The following DPP6 variants were observed in gnomAD, a reference collection of about 807,000 sequenced individuals.
DPP6 encodes dipeptidyl peptidase like 6.
A neutral mutation model predicts 122.6 loss-of-function variants in DPP6; 69 were observed. The observed-to-expected ratio is 0.56, with a 90% CI of 0.46 to 0.69. The LOEUF (loss-of-function observed/expected upper bound fraction) is 0.69. DPP6 is among the 30% of genes least tolerant of loss of function. The pLI, the probability that DPP6 is intolerant of heterozygous loss-of-function variation, is 0.00. For missense variants in DPP6, 928 were observed against 1,116.9 expected, an observed-to-expected ratio of 0.83 and a Z score of 2.41; for synonymous variants, 418 against 433.1, an observed-to-expected ratio of 0.97 and a Z score of 0.43.
intron 6 of DPP6, 143 bp from the exon 7 acceptor site, chr7:154,669,217 A>C: frequency 1.6e-6 from 2 of 1,247,720 alleles, no homozygotes; most frequent in Non-Finnish European, 2.2e-6. Context: ...CATATTACTT[A>C]GTAACACAAG....
chr7:154,130,857 G>A (rs180877820), intron 1 of DPP6, among the ~76,000 whole-genome samples: 1 of 152,086 alleles, frequency 6.6e-6, no homozygotes, highest in Non-Finnish European at 1.5e-5. Flanking sequence ...CCTGCAAGAC[G>A]CCAAAACAAC....
chr7:154,544,104 A>G (rs1828965566), intron 4 of DPP6, among the ~76,000 whole-genome samples: 1 of 147,644 alleles, frequency 6.8e-6, no homozygotes, highest in Middle Eastern at 3.3e-3. Flanking sequence ...ATATATATAT[A>G]TAAAACAAAT....
At chr7:154,016,603 G>A (rs9691709) in intron 1 of DPP6, among the ~76,000 whole-genome samples, 42,329 of 151,656 alleles carry the variant, frequency 0.28, 7,859 homozygotes, top group African/African-American at 0.53. Context: ...AGTCTACAAA[G>A]GTTTTTGGAA....
At chr7:154,080,418 T>C (rs1803905018) in intron 1 of DPP6, among the ~76,000 whole-genome samples, 1 of 152,216 alleles carries the variant, frequency 6.6e-6, no homozygotes, top group Non-Finnish European at 1.5e-5. Context: ...CTTTATTTAC[T>C]TCTCTTATGT....
intron 5 of DPP6, among the ~76,000 whole-genome samples, chr7:154,628,794 C>T (rs1219497450): frequency 2.0e-5 from 3 of 152,126 alleles, no homozygotes; most frequent in Non-Finnish European, 2.9e-5. Context: ...GCTGCTACAT[C>T]GTGCAGGACC....
intron 7 of DPP6, among the ~76,000 whole-genome samples, chr7:154,723,157 G>A (rs1841902434): frequency 6.6e-6 from 1 of 152,120 alleles, no homozygotes; most frequent in Non-Finnish European, 1.5e-5. Context: ...TACTTGGGAG[G>A]CTCAGTGGGA....
chr7:154,300,806 A>G (rs1415488806), intron 1 of DPP6, among the ~76,000 whole-genome samples: 1 of 152,212 alleles, frequency 6.6e-6, no homozygotes, highest in Non-Finnish European at 1.5e-5. Context: ...GATAGTAATC[A>G]TTATTATGGG....
chr7:154,778,555 A>AC lies in DPP6; in HGVS notation c.1136+5622dup, dbSNP rs202168490. On this transcript the variant is annotated intron_variant, in intron 10 of 25. Transcript: ENST00000377770. ...AGTTCTCATACCTAATGGCTTGAGCACCCCCCCCCAAAAAAAACCACCACC... is the reference window on the plus strand; with the variant it reads ...AGTTCTCATACCTAATGGCTTGAGCACCCCCCCCCCAAAAAAAACCACCACC... Among the ~76,000 whole-genome samples, 715 of 138,548 alleles carry AC rather than the reference A, an allele frequency of 5.2e-3. 4 individuals carry two copies. Among genetic ancestry groups the AC allele is most frequent in the African/African-American group, 0.015 (538 of 37,044 alleles). The allele number at this position is 138,548 out of a possible 152,430, so 90.9% of individuals were successfully genotyped here. A position where few individuals can be genotyped will look rare whatever the true frequency, so the allele number is the denominator to read the frequency against.
chr7:154,823,656 C>T (rs1431869020), intron 16 of DPP6, among the ~76,000 whole-genome samples: 1 of 152,176 alleles, frequency 6.6e-6, no homozygotes, highest in Admixed American at 6.5e-5. Context: ...ATGCCAAACT[C>T]TCGTCCCAGG....
intron 1 of DPP6, among the ~76,000 whole-genome samples, chr7:154,373,079 G>T (rs1408298753): frequency 1.3e-5 from 2 of 151,998 alleles, no homozygotes; most frequent in Admixed American, 6.6e-5. Context: ...TTCCTCTCTC[G>T]TTTTCTTTCT....
intron 1 of DPP6, among the ~76,000 whole-genome samples, chr7:154,120,162 A>T (rs922354790): frequency 1.3e-5 from 2 of 150,616 alleles, no homozygotes; most frequent in East Asian, 3.9e-4. Flanking sequence ...ACACTTTATA[A>T]TTTTTTTTTA....
intron 17 of DPP6, among the ~76,000 whole-genome samples, chr7:154,859,860 G>A (rs1803206309): frequency 6.6e-6 from 1 of 152,160 alleles, no homozygotes; most frequent in African/African-American, 2.4e-5. Context: ...TGTGGGAGTC[G>A]AAATTGCGGT....
At position 154,108,287 on chromosome 7, in the gene DPP6, C is replaced by A. The variant is rs544332730; in HGVS notation, c.243+55224C>A. ...AGCCACCAATTTGCTAAGTGGCCCACCGGTCATCTCTGAGCCTTGTTTCCT... is the reference window on the plus strand; with the variant it reads ...AGCCACCAATTTGCTAAGTGGCCCAACGGTCATCTCTGAGCCTTGTTTCCT... On this transcript the variant is annotated intron_variant, in intron 1 of 25. Coordinates refer to ENST00000377770, the MANE Select transcript of DPP6 (RefSeq NM_130797.4). 5.9e-3 allele frequency among the ~76,000 whole-genome samples: 891 copies of A among 152,140 alleles called. 16 individuals carry two copies. The highest frequency in any genetic ancestry group is 0.021 in the African/African-American group (864 of 41,404).
chr7:153,804,669 T>C, the DPP6 span, among the ~76,000 whole-genome samples: 4 of 151,912 alleles, frequency 2.6e-5, no homozygotes, highest in East Asian at 1.9e-4. Flanking sequence ...CTGAGGTGGG[T>C]GAATCACAAG....
chr7:153,859,132 C>T, the DPP6 span, among the ~76,000 whole-genome samples: 1 of 152,130 alleles, frequency 6.6e-6, no homozygotes, highest in African/African-American at 2.4e-5. Context: ...AAAACCTTCA[C>T]CTGTGCAATA....
At chr7:154,053,215 G>GCA (rs1334639763) in intron 1 of DPP6, among the ~76,000 whole-genome samples, 152 bp downstream of exon 1, 2 of 78,210 alleles carry the variant, frequency 2.6e-5, no homozygotes, top group East Asian at 8.2e-4. Flanking sequence ...AGGCTCCGTG[G>GCA]CGCCAGATCG....
chr7:154,466,081 C>A (rs1268627190), intron 2 of DPP6, among the ~76,000 whole-genome samples: 2 of 152,080 alleles, frequency 1.3e-5, no homozygotes, highest in African/African-American at 2.4e-5. Context: ...TGTAAACTAT[C>A]ATTCTCAGCA....
At chr7:153,755,613 T>A in the DPP6 span, among the ~76,000 whole-genome samples, 3 of 152,142 alleles carry the variant, frequency 2.0e-5, no homozygotes, top group African/African-American at 7.2e-5. Context: ...TTTAGATCCA[T>A]AGACCTTCCC....
intron 1 of DPP6, among the ~76,000 whole-genome samples, chr7:154,082,539 A>G (rs1180784029): frequency 6.6e-6 from 1 of 151,560 alleles, no homozygotes; most frequent in African/African-American, 2.4e-5. Flanking sequence ...TGGAAAGAAC[A>G]CCCCCAGTTC....
Sources: gnomAD v4.1 joint callset for allele counts (sites outside exome capture counted in the v4.1 genomes callset) on GRCh38, gnomAD v4.1.1 for gene constraint, MANE v1.5 for transcripts, NCBI Gene and HGNC (gene_info 2026-07-23, HGNC 2026-07-21) for gene names.